Variants in BACH2 observed in about 807,000 individuals in gnomAD.
BACH2 encodes the protein BACH transcriptional regulator 2.
In BACH2, 5 loss-of-function variants were observed where a neutral mutation model predicts 61.8. The ratio of observed to expected loss-of-function variants is 0.08; its 90% CI spans 0.04 to 0.17. BACH2 has a LOEUF of 0.17. BACH2 is among the 10% of genes least tolerant of loss of function. The probability of loss-of-function intolerance (pLI) is 1.00; values close to 1 mark genes in which losing one functional copy is unlikely to be tolerated. For missense variants in BACH2, 824 were observed against 1,091.1 expected (o/e 0.76, Z 3.45); for synonymous variants, 446 against 440.1 (o/e 1.01, Z -0.17).
At chr6:89,942,174 G>A (rs1340791964) in intron 7 of BACH2, among the ~76,000 whole-genome samples, 1 of 148,328 alleles carries the variant, frequency 6.7e-6, no homozygotes, top group Non-Finnish European at 1.5e-5. Flanking sequence ...GGTCTCTGAG[G>A]TGTTCTCAGA....
chr6:90,200,368 G>A (rs1768916850), intron 4 of BACH2, among the ~76,000 whole-genome samples: 1 of 152,202 alleles, frequency 6.6e-6, no homozygotes, highest in East Asian at 1.9e-4. Context: ...CGAGTAAGAG[G>A]ATGTACTGTT....
At chr6:90,070,489 C>G (rs1453477959) in intron 5 of BACH2, among the ~76,000 whole-genome samples, 3 of 152,170 alleles carry the variant, frequency 2.0e-5, no homozygotes, top group Admixed American at 2.0e-4. Context: ...CAAGCAGACA[C>G]AGCATGGCGG....
chr6:90,117,374 G>A lies in BACH2; in HGVS notation c.-161-28265C>T, dbSNP rs80168838. On this transcript the variant is annotated intron_variant, in intron 4 of 8. Coordinates refer to ENST00000257749, the MANE Select transcript of BACH2 (RefSeq NM_021813.4). The stretch of plus-strand genomic sequence containing the variant: ...TCCCTCTTCCCTCTCTCTGGCTAAC[G>A]CAACCTTTAGGTGTAAGATTAGAGA... Among the ~76,000 whole-genome samples, 92 of 151,832 alleles carry A rather than the reference G, an allele frequency of 6.1e-4. No homozygotes were observed. The Middle Eastern group carries it at 0.01, about 17-fold the overall frequency.
At chr6:90,232,571 C>T (rs1485134292) in intron 3 of BACH2, among the ~76,000 whole-genome samples, 1 of 152,166 alleles carries the variant, frequency 6.6e-6, no homozygotes, top group Non-Finnish European at 1.5e-5. Flanking sequence ...CAGAAGTAGA[C>T]ATATGATAGA....
intron 5 of BACH2, among the ~76,000 whole-genome samples, chr6:90,023,084 T>A (rs1355972566): frequency 6.6e-6 from 1 of 152,232 alleles, no homozygotes; most frequent in African/African-American, 2.4e-5. Context: ...AACCTAATGC[T>A]GAATACTGAG....
Position 90,011,741 on chromosome 6 carries a change from C to T in BACH2, c.-12-2885G>A, listed in dbSNP as rs1049722293. On this transcript the variant is annotated intron_variant, in intron 5 of 8. Coordinates refer to ENST00000257749, the MANE Select transcript of BACH2 (RefSeq NM_021813.4). ...TTCGAGACCAGCCTGGCCAACACAG[C>T]GAAACTGCGTCTTTACTAAAAATAC... Among the ~76,000 whole-genome samples the T allele has an allele frequency of 1.6e-4, 25 of 151,758 alleles. 1 individual carries two copies. The highest frequency in any genetic ancestry group is 6.1e-4 in the African/African-American group (25 of 41,298).
chr6:90,190,017 C>T (rs887628890), intron 4 of BACH2, among the ~76,000 whole-genome samples: 1 of 152,146 alleles, frequency 6.6e-6, no homozygotes, highest in African/African-American at 2.4e-5. Context: ...GATCTCGGCT[C>T]ACTGCAACCT....
chr6:90,269,307 A>G (rs1771446677), intron 2 of BACH2, among the ~76,000 whole-genome samples: 1 of 152,150 alleles, frequency 6.6e-6, no homozygotes, highest in African/African-American at 2.4e-5. Flanking sequence ...TGAGTTTTCT[A>G]AAAGTTGATA....
chr6:90,171,419 G>GA (rs539946494), intron 4 of BACH2, among the ~76,000 whole-genome samples: 1,319 of 131,736 alleles, frequency 0.01, 15 homozygotes, highest in African/African-American at 0.03. Context: ...GTCTCAAGAA[G>GA]AAAAAAAAAA....
intron 4 of BACH2, among the ~76,000 whole-genome samples, chr6:90,121,915 A>C (rs1783644323): frequency 6.6e-6 from 1 of 152,228 alleles, no homozygotes; most frequent in Admixed American, 6.5e-5. Flanking sequence ...TTAAATGTTT[A>C]GTGATTCTGC....
chr6:90,181,876 C>T (rs1209893611), intron 4 of BACH2, among the ~76,000 whole-genome samples: 1 of 151,994 alleles, frequency 6.6e-6, no homozygotes, highest in Non-Finnish European at 1.5e-5. Context: ...GCAGAAGAAC[C>T]AGAACTTGTA....
intron 4 of BACH2, among the ~76,000 whole-genome samples, chr6:90,141,938 G>A (rs974108792): frequency 1.3e-5 from 2 of 152,150 alleles, no homozygotes; most frequent in Non-Finnish European, 2.9e-5. Flanking sequence ...AAAACTAGCT[G>A]GGTGTGGTGG....
chr6:90,044,464 G>A (rs1366426750), intron 5 of BACH2, among the ~76,000 whole-genome samples: 1 of 152,220 alleles, frequency 6.6e-6, no homozygotes, highest in African/African-American at 2.4e-5. Context: ...CATGCAGTTC[G>A]AGGTAGGAGT....
At chr6:89,942,293 C>G (rs1022063494) in intron 7 of BACH2, among the ~76,000 whole-genome samples, 2 of 152,204 alleles carry the variant, frequency 1.3e-5, no homozygotes, top group Middle Eastern at 3.2e-3. Context: ...TAGCCACTGA[C>G]TGTTTGGTCC....
At chr6:90,108,025 C>T (rs1375234704) in intron 4 of BACH2, among the ~76,000 whole-genome samples, 1 of 152,154 alleles carries the variant, frequency 6.6e-6, no homozygotes, top group Non-Finnish European at 1.5e-5. Flanking sequence ...CTACTGAGAA[C>T]TATATAAGAC....
intron 4 of BACH2, among the ~76,000 whole-genome samples, chr6:90,185,900 G>C (rs531738208): frequency 1.3e-5 from 2 of 152,262 alleles, no homozygotes; most frequent in South Asian, 4.1e-4. Context: ...AAATGTAGTT[G>C]GTTCTTTTTC....
intron 6 of BACH2, among the ~76,000 whole-genome samples, chr6:89,965,652 C>G (rs1775011028): frequency 6.6e-6 from 1 of 152,240 alleles, no homozygotes; most frequent in Non-Finnish European, 1.5e-5. Flanking sequence ...TTTCACATGA[C>G]AATCCATCAC....
At chr6:89,947,673 C>T (rs13220290) in intron 7 of BACH2, among the ~76,000 whole-genome samples, 6,745 of 152,050 alleles carry the variant, frequency 0.044, 222 homozygotes, top group Non-Finnish European at 0.069. Context: ...TCACGCCATT[C>T]TCCTGCCTCA....
chr6:90,223,490 C>T (rs1317015678), intron 3 of BACH2, among the ~76,000 whole-genome samples: 1 of 152,128 alleles, frequency 6.6e-6, no homozygotes, highest in East Asian at 1.9e-4. Context: ...TTTTTTGAGA[C>T]AGGGCCTCAC....
Sources: allele counts gnomAD v4.1 joint callset (sites outside exome capture counted in the v4.1 genomes callset), GRCh38; gene constraint gnomAD v4.1.1; transcripts MANE v1.5; gene names NCBI Gene and HGNC (gene_info 2026-07-23, HGNC 2026-07-21).